FBXL13: variants seen among roughly 807,000 people sequenced by gnomAD.
FBXL13 encodes the protein F-box and leucine-rich repeat protein 13.
FBXL13 carries 67 observed loss-of-function variants against 83.6 expected under a neutral mutation model. That is an observed-to-expected ratio of 0.80 (90% CI 0.66 to 0.98). The LOEUF (loss-of-function observed/expected upper bound fraction) is 0.98, where lower values mean the gene tolerates loss of function less well. FBXL13 is among the 50% of genes least tolerant of loss of function. FBXL13 has a pLI of 0.00. For synonymous variants in FBXL13, 272 were observed against 299.5 expected (o/e 0.91, Z 0.95); for missense variants, 822 against 866.5 (o/e 0.95, Z 0.64).
chr7:102,924,223 A>G (rs1368378640), intron 10 of FBXL13, among the ~76,000 whole-genome samples: 1 of 150,362 alleles, frequency 6.7e-6, no homozygotes, highest in Non-Finnish European at 1.5e-5. Context: ...GGGCAACAAG[A>G]GCAAAACTCC....
chr7:103,014,942 A>G (rs1309406901), intron 6 of FBXL13, among the ~76,000 whole-genome samples: 4 of 150,272 alleles, frequency 2.7e-5, no homozygotes, highest in Non-Finnish European at 5.9e-5. Flanking sequence ...AAAAAAAAAA[A>G]AAAAAGAAAA....
In FBXL13 at chr7:102,850,671, C is replaced by A. The variant is rs1805065437; in HGVS notation, c.1719+4106G>T. Among the ~76,000 whole-genome samples the A allele has an allele frequency of 2.6e-5, 4 of 152,160 alleles. No homozygotes were observed. In the South Asian group the frequency reaches 8.3e-4, roughly 32 times the overall value. ...ACTTTTTGTCTTAGTAGGTTACATA[C>A]ATCTAAATGATTTGTAACCCTTTTT... On this transcript the variant is annotated intron_variant, in intron 17 of 19. Coordinates refer to ENST00000313221, the Ensembl canonical transcript of FBXL13.
chr7:102,833,062 A>G, intron 17 of FBXL13, 88 bp from the exon 19 acceptor site: 2 of 1,401,522 alleles, frequency 1.4e-6, no homozygotes, highest in Non-Finnish European at 1.9e-6. Context: ...TGTACATTTC[A>G]GTCCCTGAAA....
intron 6 of FBXL13, among the ~76,000 whole-genome samples, chr7:103,001,185 T>A (rs943394574): frequency 6.6e-6 from 1 of 152,000 alleles, no homozygotes. Flanking sequence ...GGTCTCAAAC[T>A]CCCAGGTTCA....
rs1807713021 is a variant in FBXL13 at position 102,866,763 on chromosome 7, A to C, written c.1635+10704T>G. On this transcript the variant is annotated intron_variant, in intron 16 of 19. Transcript: ENST00000313221. Reference sequence around the variant, plus strand: ...TGAGACAATGTGGAATTTAAAGAAGACTTAAGTGTTTGGTTAAGAGGAAGG... The same window carrying C: ...TGAGACAATGTGGAATTTAAAGAAGCCTTAAGTGTTTGGTTAAGAGGAAGG... Among the ~76,000 whole-genome samples, 3 of 152,310 alleles carry C rather than the reference A, an allele frequency of 2.0e-5. 1 individual carries two copies. In the South Asian group the frequency reaches 6.2e-4, roughly 32 times the overall value.
chr7:102,917,768 G>A (rs1041628072), intron 10 of FBXL13, among the ~76,000 whole-genome samples: 1 of 152,190 alleles, frequency 6.6e-6, no homozygotes, highest in African/African-American at 2.4e-5. Context: ...AGAACAGATT[G>A]AAGGGAGGAG....
intron 2 of FBXL13, among the ~76,000 whole-genome samples, chr7:103,053,298 A>T (rs4729867): frequency 6.6e-6 from 1 of 151,782 alleles, no homozygotes; most frequent in Non-Finnish European, 1.5e-5. Context: ...GATTACAGGC[A>T]CCCGCCACCA....
chr7:102,894,719 A>T (rs1175303801), intron 11 of FBXL13, among the ~76,000 whole-genome samples: 4 of 150,442 alleles, frequency 2.7e-5, no homozygotes, highest in East Asian at 2.0e-4. Context: ...ACAGAGAAAG[A>T]CTTTGTCTCT....
intron 6 of FBXL13, among the ~76,000 whole-genome samples, chr7:103,017,850 T>C (rs1320222867): frequency 1.3e-5 from 2 of 152,288 alleles, no homozygotes; most frequent in East Asian, 1.9e-4. Context: ...CTAGTTCTGA[T>C]TGGTGTACCT....
chr7:102,893,964 G>GAGAA (rs370471835), intron 11 of FBXL13, among the ~76,000 whole-genome samples: 1,698 of 75,364 alleles, frequency 0.023, 40 homozygotes, highest in African/African-American at 0.093. Context: ...GAAAGAAAGA[G>GAGAA]AGAAAGAAAG....
intron 6 of FBXL13, chr7:102,973,654 C>T (rs1827034761): frequency 1.3e-6 from 1 of 766,356 alleles, no homozygotes; most frequent in East Asian, 2.4e-5. Context: ...CGGTCTTCGT[C>T]CCCCGTGGAC....
At chr7:103,057,098 GTC>G (rs879750606) in intron 1 of FBXL13, among the ~76,000 whole-genome samples, 6 of 152,102 alleles carry the variant, frequency 3.9e-5, no homozygotes, top group Non-Finnish European at 7.4e-5. Context: ...TCTGTGGGTT[GTC>G]TGTTTACTCT....
rs1056612826 is a variant in FBXL13, at chr7:103,074,286, C to T, written c.-145G>A. 4.7e-5 allele frequency: 48 copies of T among 1,013,118 alleles called. No individual in the cohort carries two copies. The African/African-American group carries it at 7.4e-4, about 16-fold the overall frequency. 62.8% of individuals were successfully genotyped at this position (1,013,118 alleles called of 1,614,324 possible). The stretch of plus-strand genomic sequence containing the variant: ...GCTCCTTATCTTAGGTGACTAGTGC[C>T]TACTCCCTACTTCTGACAACATTCT... On this transcript the variant is annotated 5_prime_UTR_variant, in exon 1 of 20. Coordinates refer to ENST00000313221, the Ensembl canonical transcript of FBXL13.
exon 1 of FBXL13, chr7:103,074,420 T>C (rs1799424422): frequency 3.7e-6 from 4 of 1,082,458 alleles, no homozygotes; most frequent in Non-Finnish European, 4.6e-6. Flanking sequence ...GAGTTTGGGG[T>C]TTCCGATCTG....
chr7:102,829,961 C>T (rs1197016434), intron 18 of FBXL13, among the ~76,000 whole-genome samples: 1 of 152,204 alleles, frequency 6.6e-6, no homozygotes, highest in East Asian at 1.9e-4. Context: ...TCAGGATACT[C>T]ATCTGACCCA....
intron 17 of FBXL13, among the ~76,000 whole-genome samples, chr7:102,851,750 G>T (rs542116663): frequency 2.6e-5 from 4 of 152,108 alleles, no homozygotes; most frequent in South Asian, 4.1e-4. Context: ...TGACTTTGGG[G>T]TTTTTTCTAA....
chr7:103,039,482 A>G (rs570886485), intron 2 of FBXL13, among the ~76,000 whole-genome samples: 4 of 152,332 alleles, frequency 2.6e-5, no homozygotes, highest in African/African-American at 9.6e-5. Context: ...ACACCAACAC[A>G]AAGATACGCC....
At chr7:103,072,552 G>C (rs1799071620) in intron 1 of FBXL13, among the ~76,000 whole-genome samples, 1 of 152,178 alleles carries the variant, frequency 6.6e-6, no homozygotes, top group Non-Finnish European at 1.5e-5. Context: ...GCCTAGATGA[G>C]AAGAGGCCAT....
intron 2 of FBXL13, among the ~76,000 whole-genome samples, chr7:103,042,350 C>A (rs949544583): frequency 1.3e-5 from 2 of 152,180 alleles, no homozygotes; most frequent in African/African-American, 4.8e-5. Context: ...AAGAACATTC[C>A]ATGCTCATGG....
Sources: gnomAD v4.1 joint callset for allele counts (sites outside exome capture counted in the v4.1 genomes callset) on GRCh38, gnomAD v4.1.1 for gene constraint, MANE v1.5 for transcripts, NCBI Gene and HGNC (gene_info 2026-07-23, HGNC 2026-07-21) for gene names.